Variants in TERF2 observed in about 807,000 individuals in gnomAD.
TERF2 encodes the protein telomeric repeat-binding factor 2.
TERF2 carries 16 observed loss-of-function variants against 56.1 expected under a neutral mutation model. That is an observed-to-expected ratio of 0.29 (90% confidence interval 0.19 to 0.43). TERF2 has a LOEUF of 0.43. TERF2 is among the 20% of genes least tolerant of loss of function. TERF2 has a pLI of 1.00. For missense variants in TERF2, 547 were observed against 712.9 expected, an observed-to-expected ratio of 0.77 and a Z score of 2.65; for synonymous variants, 296 against 282.1, an observed-to-expected ratio of 1.05 and a Z score of -0.50.
At chr16:69,385,518 C>A (rs2014162720) in intron 1 of TERF2, 32 bp from the exon 2 acceptor site, 10 of 1,612,750 alleles carry the variant, frequency 6.2e-6, no homozygotes, top group East Asian at 2.2e-5. Context: ...GCTGGGCGAC[C>A]CCCAGTCCCG....
intron 3 of TERF2, among the ~76,000 whole-genome samples, chr16:69,373,671 C>A (rs1179106227): frequency 4.6e-5 from 7 of 151,886 alleles, no homozygotes; most frequent in Non-Finnish European, 7.4e-5. Context: ...GTCTCTCCCC[C>A]AAAAAAACCC....
chr16:69,375,331 G>A (rs1393393770), intron 3 of TERF2, among the ~76,000 whole-genome samples: 2 of 152,282 alleles, frequency 1.3e-5, no homozygotes, highest in African/African-American at 4.8e-5. Context: ...CTACTTTCTG[G>A]AGTAGCTGTA....
chr16:69,359,627 A>ATTTTTTTTTTTT lies in TERF2; in HGVS notation c.1426+1765_1426+1776dup, dbSNP rs564611021. On this transcript the variant is annotated intron_variant, in intron 8 of 9. Coordinates refer to ENST00000254942, the MANE Select transcript of TERF2 (RefSeq NM_005652.5). ...AATCTTCCTCTTACTATCATTCCCA[A>ATTTTTTTTTTTT]TTTTTTTTTTTTTTTTTTTTTTTTT... 5.5e-5 allele frequency among the ~76,000 whole-genome samples: 4 copies of ATTTTTTTTTTTT among 72,588 alleles called. 1 individual carries two copies. The highest frequency in any genetic ancestry group is 1.0e-4 in the Non-Finnish European group (4 of 38,396). 47.6% of individuals were successfully genotyped at this position (72,588 alleles called of 152,430 possible). A position where few individuals can be genotyped will look rare whatever the true frequency, so the allele number is the denominator to read the frequency against.
intron 2 of TERF2, 77 bp from the exon 3 acceptor site, chr16:69,384,787 T>C: frequency 7.6e-7 from 1 of 1,315,486 alleles, no homozygotes. Context: ...TATATATATA[T>C]ATTTATGGAA....
chr16:69,362,118 A>G lies in TERF2; in HGVS notation c.1341-629T>C, dbSNP rs544929179. 2.0e-5 allele frequency among the ~76,000 whole-genome samples: 3 copies of G among 151,788 alleles called. No individual in the cohort carries two copies. The East Asian group carries it at 5.8e-4, about 30-fold the overall frequency. On this transcript the variant is annotated intron_variant, in intron 7 of 9. Transcript: ENST00000254942. ...TCCACACCATCCAGTCTGGCCCGTC[A>G]GTTTCTAACCAACCGCCCCACGATG... is the stretch of plus-strand genomic sequence containing the variant.
chr16:69,356,740 C>A lies in TERF2; in HGVS notation c.*158G>T. On this transcript the variant is annotated 3_prime_UTR_variant, in exon 10 of 10. Coordinates refer to ENST00000254942, the MANE Select transcript of TERF2 (RefSeq NM_005652.5). ...GCGTGAGCCCGGGAGACGGAGGTCGCAGTGAGCCGAGATCACGCCACTGCA... is the reference window on the plus strand; with the variant it reads ...GCGTGAGCCCGGGAGACGGAGGTCGAAGTGAGCCGAGATCACGCCACTGCA... The A allele has an allele frequency of 1.3e-6, 1 of 754,850 alleles. No homozygotes were observed. The allele number at this position is 754,850 out of a possible 1,614,324, so 46.8% of individuals were successfully genotyped here.
chr16:69,368,543 T>C (rs768580748), intron 5 of TERF2, 61 bp from the exon 6 acceptor site: 7 of 1,600,116 alleles, frequency 4.4e-6, no homozygotes. Flanking sequence ...ATTCTCTGCT[T>C]CTTTCACCAA....
chr16:69,356,240 A>G lies in TERF2; in HGVS notation c.*658T>C, dbSNP rs913839850. 3 of 454,932 alleles carry G rather than the reference A, an allele frequency of 6.6e-6. No homozygotes were observed. Among genetic ancestry groups the G allele is most frequent in the African/African-American group, 2.0e-5 (1 of 50,018 alleles). The allele number at this position is 454,932 out of a possible 1,614,324, so 28.2% of individuals were successfully genotyped here. A position where few individuals can be genotyped will look rare whatever the true frequency, so the allele number is the denominator to read the frequency against. ...GGTTTTAACAGGTCATGGAGTCACA[A>G]GTGGCTCCTAATAGACTTCACCATT... On this transcript the variant is annotated 3_prime_UTR_variant, in exon 10 of 10. Coordinates refer to ENST00000254942, the MANE Select transcript of TERF2 (RefSeq NM_005652.5).
Position 69,356,959 on chromosome 16 carries a change from T to C in TERF2, c.1568A>G (p.Asn523Ser). Residue 523 changes from asparagine to serine, a missense_variant, in exon 10 of 10, where the codon AAC becomes AGC. Physicochemically the swap from Asn to Ser is conservative, Grantham distance 46. Transcript: ENST00000254942. ...ATCCTTAATCATCACAGCTGTTCGG[T>C]TAACAAATGGGTAATTTTTAGAAAT... ...AAISKNYPFVNRTAVMIKDRW... is the reference protein window; with the variant it reads ...AAISKNYPFVSRTAVMIKDRW... 1.2e-6 allele frequency: 2 copies of C among 1,614,100 alleles called. No homozygotes were observed. The highest frequency in any genetic ancestry group is 1.7e-6 in the Non-Finnish European group (2 of 1,180,010).
chr16:69,363,190 A>G (rs1322349197), intron 7 of TERF2, among the ~76,000 whole-genome samples: 28 of 152,178 alleles, frequency 1.8e-4, no homozygotes, highest in Non-Finnish European at 3.5e-4. Flanking sequence ...ATAAATAAAA[A>G]TCAGATGGGG....
chr16:69,371,588 T>C (rs2013578249), intron 4 of TERF2, among the ~76,000 whole-genome samples: 2 of 149,930 alleles, frequency 1.3e-5, no homozygotes, highest in Admixed American at 1.3e-4. Flanking sequence ...GCCGAGGTGG[T>C]AGGATCACTT....
intron 8 of TERF2, 102 bp from the exon 9 acceptor site, chr16:69,357,663 T>A: frequency 7.2e-7 from 1 of 1,387,518 alleles, no homozygotes; most frequent in Non-Finnish European, 1.0e-6. Context: ...CTTCTTCAAA[T>A]TTCACAAGCA....
intron 3 of TERF2, among the ~76,000 whole-genome samples, chr16:69,381,772 C>T (rs1410099476): frequency 6.6e-6 from 1 of 152,162 alleles, no homozygotes; most frequent in Non-Finnish European, 1.5e-5. Flanking sequence ...TGAGCTACTG[C>T]ACCTGGCCCA....
chr16:69,384,472 C>G (rs575130740), intron 3 of TERF2, 108 bp downstream of exon 3: 5 of 1,166,216 alleles, frequency 4.3e-6, no homozygotes, highest in Non-Finnish European at 5.8e-6. Context: ...TGCTCAATCT[C>G]TCCCCATTGC....
chr16:69,376,977 G>C (rs2013814529), intron 3 of TERF2, among the ~76,000 whole-genome samples: 2 of 152,024 alleles, frequency 1.3e-5, no homozygotes, highest in Admixed American at 6.6e-5. Flanking sequence ...GACGCAGGCG[G>C]ATTGCCTGAG....
At chr16:69,368,512 A>C (rs1350436674) in intron 5 of TERF2, 30 bp from the exon 6 acceptor site, 6 of 1,612,822 alleles carry the variant, frequency 3.7e-6, no homozygotes, top group Non-Finnish European at 5.1e-6. Context: ...ATCAGGAAGA[A>C]GAGGCCACAG....
At chr16:69,380,442 T>C (rs961909796) in intron 3 of TERF2, among the ~76,000 whole-genome samples, 1 of 151,630 alleles carries the variant, frequency 6.6e-6, no homozygotes. Context: ...GGGTGGATCA[T>C]GAGGTCAGGA....
Position 69,356,875 on chromosome 16 carries a change from T to A in TERF2, c.*23A>T. 7 of 1,601,520 alleles carry A rather than the reference T, an allele frequency of 4.4e-6. No homozygotes were observed. The highest frequency in any genetic ancestry group is 6.0e-6 in the Non-Finnish European group (7 of 1,174,326). Reference sequence around the variant, plus strand: ...TTATTAGGAACCATGCTCCTGTGAATTCTGTGGAAATGAAAGCCTGTTTCA... The same window carrying A: ...TTATTAGGAACCATGCTCCTGTGAAATCTGTGGAAATGAAAGCCTGTTTCA... On this transcript the variant is annotated 3_prime_UTR_variant, in exon 10 of 10. Coordinates refer to ENST00000254942, the MANE Select transcript of TERF2 (RefSeq NM_005652.5).
At chr16:69,384,539 A>G (rs1567457677) in intron 3 of TERF2, 41 bp downstream of exon 3, 1 of 1,601,696 alleles carries the variant, frequency 6.2e-7, no homozygotes, top group Non-Finnish European at 8.5e-7. Flanking sequence ...AAGACCCTTG[A>G]TTTTTGGTCA....
Sources: allele counts gnomAD v4.1 joint callset (sites outside exome capture counted in the v4.1 genomes callset), GRCh38; gene constraint gnomAD v4.1.1; transcripts MANE v1.5; gene names NCBI Gene and HGNC (gene_info 2026-07-23, HGNC 2026-07-21).